Variants in TRAPPC13 observed in about 807,000 individuals in gnomAD.
TRAPPC13 encodes trafficking protein particle complex subunit 13.
In TRAPPC13, 39 loss-of-function variants were observed where a neutral mutation model predicts 54.0. The observed-to-expected ratio is 0.72, with a 90% CI of 0.56 to 0.94. The LOEUF (loss-of-function observed/expected upper bound fraction) is 0.94, where lower values mean the gene tolerates loss of function less well. TRAPPC13 is among the 40% of genes least tolerant of loss of function. The pLI is 0.00. For synonymous variants in TRAPPC13, 148 were observed against 167.7 expected (o/e 0.88, Z 0.91); for missense variants, 386 against 488.1 (o/e 0.79, Z 1.97).
At chr5:65,625,358 C>T (rs1755161021) in intron 1 of TRAPPC13, 1 of 423,306 alleles carries the variant, frequency 2.4e-6, no homozygotes, top group Non-Finnish European at 4.2e-6. Context: ...GAGATTTTAG[C>T]CGCAGAAGCT....
chr5:65,642,883 CAAATTAAAAAAT>C (rs1756022701), intron 4 of TRAPPC13, among the ~76,000 whole-genome samples: 1 of 151,856 alleles, frequency 6.6e-6, no homozygotes, highest in Admixed American at 6.6e-5. Context: ...GTAGTGAGAC[CAAATTAAAAAAT>C]AAATTAAAAA....
intron 11 of TRAPPC13, chr5:65,662,915 C>A (rs958110431): frequency 1.3e-5 from 2 of 152,108 alleles, no homozygotes; most frequent in Non-Finnish European, 2.9e-5. Context: ...ATGCCTTCTC[C>A]ATCATAGAAA....
chr5:65,629,262 T>C (rs1306151832), intron 1 of TRAPPC13, among the ~76,000 whole-genome samples: 2 of 152,184 alleles, frequency 1.3e-5, no homozygotes, highest in South Asian at 2.1e-4. Flanking sequence ...CAGGAAGTGA[T>C]TTTATAGGGC....
At chr5:65,652,465 T>G in intron 6 of TRAPPC13, 36 bp from the exon 7 acceptor site, 1 of 1,486,180 alleles carries the variant, frequency 6.7e-7, no homozygotes. Flanking sequence ...GGTCACATGA[T>G]AACAATCTCC....
At chr5:65,652,825 G>C (rs1369350174) in intron 7 of TRAPPC13, 15 of 425,418 alleles carry the variant, frequency 3.5e-5, no homozygotes, top group Non-Finnish European at 4.3e-5. Flanking sequence ...TCCATTTAAT[G>C]GTGGTTGTTA....
chr5:65,629,726 T>A (rs17830337), intron 1 of TRAPPC13: 116,880 of 1,535,952 alleles, frequency 0.076, 4,801 homozygotes, highest in East Asian at 0.095. Flanking sequence ...ATATGATGGG[T>A]CCAAGCTTCC....
intron 8 of TRAPPC13, 108 bp from the exon 9 acceptor site, chr5:65,658,260 A>G (rs1756720462): frequency 1.8e-6 from 2 of 1,117,092 alleles, no homozygotes; most frequent in Non-Finnish European, 2.5e-6. Context: ...GCATGAACTA[A>G]TCACATTTGT....
At chr5:65,655,750 A>C (rs1213707121) in intron 8 of TRAPPC13, 97 bp downstream of exon 8, 2 of 409,494 alleles carry the variant, frequency 4.9e-6, no homozygotes, top group African/African-American at 4.1e-5. Flanking sequence ...TAGTGGAAAA[A>C]CAGTTAGTTG....
intron 5 of TRAPPC13, 23 bp downstream of exon 5, chr5:65,647,205 C>A: frequency 6.4e-7 from 1 of 1,559,694 alleles, no homozygotes; most frequent in Non-Finnish European, 8.7e-7. Context: ...TTTATTAGTT[C>A]TCAAAGGTTT....
chr5:65,630,081 A>G (rs144449876), intron 1 of TRAPPC13: 455 of 1,536,126 alleles, frequency 3.0e-4, no homozygotes, highest in Middle Eastern at 5.0e-4. Flanking sequence ...CACTCACTTT[A>G]TAGAGCAAGA....
chr5:65,664,394 CT>C lies in TRAPPC13; in HGVS notation c.1146+14del, dbSNP rs759747482. 56 of 1,606,586 alleles carry C rather than the reference CT, an allele frequency of 3.5e-5. No homozygotes were observed. Among genetic ancestry groups the C allele is most frequent in the Admixed American group, 5.1e-5 (3 of 58,304 alleles). On this transcript the variant is annotated intron_variant, in intron 12 of 12. Transcript: ENST00000399438. ...AGTACAGGGACTGCAAGTATGCTGTCTTTTCAAAAATTCCAATATTTGGGTG... is the reference window on the plus strand; with the variant it reads ...AGTACAGGGACTGCAAGTATGCTGTCTTTCAAAAATTCCAATATTTGGGTG...
At position 65,664,919 on chromosome 5, in the gene TRAPPC13, C is replaced by T. The variant is rs16894203; in HGVS notation, c.*308C>T. 2.9e-6 allele frequency: 1 copy of T among 344,864 alleles called. No individual in the cohort carries two copies. The highest frequency in any genetic ancestry group is 5.3e-6 in the Non-Finnish European group (1 of 188,288). 21.4% of individuals were successfully genotyped at this position (344,864 alleles called of 1,614,324 possible). A position where few individuals can be genotyped will look rare whatever the true frequency, so the allele number is the denominator to read the frequency against. On this transcript the variant is annotated 3_prime_UTR_variant, in exon 13 of 13. Coordinates refer to ENST00000399438, the MANE Select transcript of TRAPPC13 (RefSeq NM_024941.4). ...TTTGTCCCTAGCAAGTTATCTAGAA[C>T]ACGAGTCAGCACACTTTTTATGTAA...
intron 4 of TRAPPC13, among the ~76,000 whole-genome samples, chr5:65,645,802 TCAAA>T (rs1008210425): frequency 2.1e-4 from 32 of 152,254 alleles, no homozygotes; most frequent in South Asian, 6.2e-4. Flanking sequence ...AGACTCTGTC[TCAAA>T]CAAACAAACA....
chr5:65,651,191 G>C (rs1401950872), intron 6 of TRAPPC13, among the ~76,000 whole-genome samples: 1 of 152,156 alleles, frequency 6.6e-6, no homozygotes, highest in Non-Finnish European at 1.5e-5. Context: ...GAAGCAAAGT[G>C]GGGAGGATCA....
At position 65,662,052 on chromosome 5, in the gene TRAPPC13, T is replaced by TC; in HGVS notation, c.902dup (p.Gly302ArgfsTer6). 1.3e-6 allele frequency: 2 copies of TC among 1,599,956 alleles called. No individual in the cohort carries two copies. The highest frequency in any genetic ancestry group is 1.7e-6 in the Non-Finnish European group (2 of 1,174,810). ...AACTGTGTTGCTTGTTTTCTTAGGC[T>TC]CCAGGTTATGGAGATGTTAGGTTGT... is the stretch of plus-strand genomic sequence containing the variant. On this transcript the variant is annotated frameshift_variant, in exon 11 of 13. Transcript: ENST00000399438. LOFTEE classifies it high-confidence loss of function.
chr5:65,664,184 C>G, intron 11 of TRAPPC13, 53 bp from the exon 12 acceptor site: 2 of 1,556,516 alleles, frequency 1.3e-6, no homozygotes. Flanking sequence ...TATTGCAGTA[C>G]CTCTTTGTGA....
intron 1 of TRAPPC13, among the ~76,000 whole-genome samples, chr5:65,627,496 G>A (rs1036296179): frequency 1.3e-5 from 2 of 152,112 alleles, no homozygotes; most frequent in African/African-American, 4.8e-5. Flanking sequence ...CAGGCGTGAT[G>A]GTGTGCACCA....
At chr5:65,660,642 T>C in intron 9 of TRAPPC13, 57 bp from the exon 10 acceptor site, 3 of 1,415,928 alleles carry the variant, frequency 2.1e-6, no homozygotes, top group Non-Finnish European at 2.8e-6. Context: ...ACAGCCATGG[T>C]TTTTCTTTTA....
chr5:65,634,415 C>T (rs1055267988), intron 1 of TRAPPC13, among the ~76,000 whole-genome samples: 2 of 152,068 alleles, frequency 1.3e-5, no homozygotes, highest in Non-Finnish European at 2.9e-5. Flanking sequence ...GTAGTAAATT[C>T]AGTTCTTCCT....
Sources: gnomAD v4.1 joint callset for allele counts (sites outside exome capture counted in the v4.1 genomes callset) on GRCh38, gnomAD v4.1.1 for gene constraint, MANE v1.5 for transcripts, NCBI Gene and HGNC (gene_info 2026-07-23, HGNC 2026-07-21) for gene names.